Variants in GRTP1 observed in about 807,000 individuals in gnomAD.
GRTP1 encodes growth hormone regulated TBC protein 1, also known as growth hormone-regulated TBC protein 1.
A neutral mutation model predicts 38.1 loss-of-function variants in GRTP1; 56 were observed. That is an observed-to-expected ratio of 1.47 (90% CI 1.19 to 1.84). The LOEUF is 1.84. Ranked by LOEUF, GRTP1 falls within the 40% of genes most tolerant of loss-of-function variation. The pLI, the probability that GRTP1 is intolerant of heterozygous loss-of-function variation, is 0.00. For missense variants in GRTP1, 506 were observed against 453.9 expected (o/e 1.11, Z -1.04); for synonymous variants, 217 against 189.5 (o/e 1.14, Z -1.19).
At position 113,326,705 on chromosome 13, in the gene GRTP1, A is replaced by C. The variant is rs565538930; in HGVS notation, c.563-614T>G. Among the ~76,000 whole-genome samples, 9 of 152,244 alleles carry C rather than the reference A, an allele frequency of 5.9e-5. No individual in the cohort carries two copies. The East Asian group carries it at 1.5e-3, about 26-fold the overall frequency. On this transcript the variant is annotated intron_variant, in intron 5 of 7. Transcript: ENST00000375431. The stretch of plus-strand genomic sequence containing the variant: ...AACAAACAAAAATCTGCAGGTGGAA[A>C]AGAGAGTCCCAAGGAGGTGCAGGCA...
intron 5 of GRTP1, among the ~76,000 whole-genome samples, chr13:113,335,688 G>A (rs1313970621): frequency 6.6e-5 from 10 of 151,938 alleles, no homozygotes; most frequent in Admixed American, 6.6e-4. Flanking sequence ...TTTTTATTTA[G>A]CGCCCACATG....
chr13:113,325,711 T>TAC lies in GRTP1; in HGVS notation c.870_871insGT (p.Lys291ValfsTer4), dbSNP rs745379479. The TAC allele has an allele frequency of 6.2e-7, 1 of 1,614,056 alleles. No individual in the cohort carries two copies. The highest frequency in any genetic ancestry group is 1.3e-5 in the African/African-American group (1 of 74,932). ...ACGAAACTCCCTTTGGTTATCTGCT[T>TAC]AAACTTATCGCAAATGTCTGGAACG... On this transcript the variant is annotated frameshift_variant, in exon 7 of 8. Coordinates refer to ENST00000375431, the MANE Select transcript of GRTP1 (RefSeq NM_024719.4). LOFTEE classifies it high-confidence loss of function.
chr13:113,359,343 C>T (rs2043452650), intron 2 of GRTP1, among the ~76,000 whole-genome samples: 1 of 152,192 alleles, frequency 6.6e-6, no homozygotes, highest in South Asian at 2.1e-4. Context: ...GTGAATTTTA[C>T]TGTAAATTGT....
intron 5 of GRTP1, among the ~76,000 whole-genome samples, chr13:113,340,705 G>T (rs1048836780): frequency 6.6e-6 from 1 of 150,702 alleles, no homozygotes; most frequent in African/African-American, 2.4e-5. Flanking sequence ...GCGTGAACCC[G>T]GGAGGCGGAG....
chr13:113,330,631 C>G (rs1443534773), intron 5 of GRTP1, among the ~76,000 whole-genome samples: 3 of 32,210 alleles, frequency 9.3e-5, no homozygotes, highest in Non-Finnish European at 1.6e-4. Flanking sequence ...TGCATGGGAG[C>G]CCAGGTGTGT....
intron 5 of GRTP1, among the ~76,000 whole-genome samples, chr13:113,340,316 TAA>T (rs1163372060): frequency 7.3e-6 from 1 of 136,362 alleles, no homozygotes. Flanking sequence ...TCTCTACAAA[TAA>T]AAAAAAAAAA....
intron 2 of GRTP1, among the ~76,000 whole-genome samples, chr13:113,362,411 G>T (rs1465155009): frequency 6.6e-6 from 1 of 152,160 alleles, no homozygotes; most frequent in South Asian, 2.1e-4. Flanking sequence ...ACATGCAGAG[G>T]CCACAGGGAT....
intron 3 of GRTP1, among the ~76,000 whole-genome samples, chr13:113,354,831 G>C (rs891864828): frequency 1.3e-5 from 2 of 152,130 alleles, no homozygotes; most frequent in African/African-American, 4.8e-5. Flanking sequence ...CCGGCCTTAG[G>C]TTAATCAATT....
At chr13:113,347,483 TGGGAG>T (rs2043174118) in intron 4 of GRTP1, among the ~76,000 whole-genome samples, 6 of 20,264 alleles carry the variant, frequency 3.0e-4, no homozygotes, top group Admixed American at 8.8e-4. Context: ...AGAGCAGACC[TGGGAG>T]GACCTCTGTG....
intron 3 of GRTP1, among the ~76,000 whole-genome samples, chr13:113,354,691 G>A (rs908340313): frequency 9.2e-5 from 14 of 152,106 alleles, no homozygotes; most frequent in African/African-American, 3.4e-4. Flanking sequence ...ACCACGCCCG[G>A]CTATTTTGTA....
chr13:113,325,940 A>G lies in GRTP1; in HGVS notation c.714T>C (p.Phe238=). ...LLVSRWFICL[F]VDILPVETVL... is the part of the protein sequence containing the mutation. Reference sequence around the variant, plus strand: ...TCACCTCCACGGGCAAGATGTCCACAAACAGGCAGATGAACCAGCGGGACA... The same window carrying G: ...TCACCTCCACGGGCAAGATGTCCACGAACAGGCAGATGAACCAGCGGGACA... Residue 238 remains phenylalanine (F), a synonymous_variant, in exon 6 of 8, where the codon TTT becomes TTC. Coordinates refer to ENST00000375431, the MANE Select transcript of GRTP1 (RefSeq NM_024719.4). 1.2e-6 allele frequency: 2 copies of G among 1,613,884 alleles called. No homozygotes were observed. Among genetic ancestry groups the G allele is most frequent in the South Asian group, 2.2e-5 (2 of 91,080 alleles).
intron 7 of GRTP1, chr13:113,324,796 CGGT>C (rs1555312913): frequency 2.3e-6 from 3 of 1,277,970 alleles, no homozygotes; most frequent in Non-Finnish European, 3.0e-6. Flanking sequence ...ATGAATCAAA[CGGT>C]GGAAGAAAAG....
chr13:113,352,290 ATT>A (rs1555318969), intron 3 of GRTP1, among the ~76,000 whole-genome samples: 2 of 48,442 alleles, frequency 4.1e-5, no homozygotes, highest in East Asian at 1.3e-3. Context: ...ATTTATATAT[ATT>A]TATATATATT....
At chr13:113,326,372 C>CGGGGGGGG (rs2042770111) in intron 5 of GRTP1, among the ~76,000 whole-genome samples, 1 of 2,024 alleles carries the variant, frequency 4.9e-4, no homozygotes, top group African/African-American at 1.4e-3. Flanking sequence ...TGGAGGGTGG[C>CGGGGGGGG]GCGGTGGGGG....
chr13:113,355,556 T>A (rs1223867084), intron 2 of GRTP1, 75 bp from the exon 3 acceptor site: 11 of 1,453,708 alleles, frequency 7.6e-6, no homozygotes, highest in Non-Finnish European at 1.0e-5. Flanking sequence ...TGCCACACTT[T>A]CCACTCTCAC....
chr13:113,326,193 G>C (rs1044601661), intron 5 of GRTP1, 102 bp from the exon 6 acceptor site: 1 of 1,430,676 alleles, frequency 7.0e-7, no homozygotes, highest in African/African-American at 1.4e-5. Context: ...ACCCTGGGAG[G>C]ACCCCTCCCA....
At chr13:113,344,122 C>T (rs768520611) in intron 5 of GRTP1, among the ~76,000 whole-genome samples, 11 of 152,102 alleles carry the variant, frequency 7.2e-5, no homozygotes, top group Non-Finnish European at 5.9e-5. Context: ...ATATATATAG[C>T]GCAATTATTA....
intron 5 of GRTP1, among the ~76,000 whole-genome samples, chr13:113,341,411 C>A (rs1471416327): frequency 1.3e-5 from 2 of 152,142 alleles, no homozygotes; most frequent in Non-Finnish European, 2.9e-5. Context: ...GGACTACAGG[C>A]ACCCGCCACC....
intron 5 of GRTP1, among the ~76,000 whole-genome samples, chr13:113,340,447 C>T (rs1251792062): frequency 6.6e-6 from 1 of 151,966 alleles, no homozygotes; most frequent in African/African-American, 2.4e-5. Context: ...CCACTGCACT[C>T]CAGCCTGGGT....
Sources: allele counts gnomAD v4.1 joint callset (sites outside exome capture counted in the v4.1 genomes callset), GRCh38; gene constraint gnomAD v4.1.1; transcripts MANE v1.5; gene names NCBI Gene and HGNC (gene_info 2026-07-23, HGNC 2026-07-21).